The following FNIP1 variants were observed in gnomAD, a reference collection of about 807,000 sequenced individuals.
FNIP1 encodes folliculin interacting protein 1.
A neutral mutation model predicts 124.5 loss-of-function variants in FNIP1; 40 were observed. That is an observed-to-expected ratio of 0.32 (90% CI 0.25 to 0.42). The LOEUF (loss-of-function observed/expected upper bound fraction) is 0.42, where lower values mean the gene tolerates loss of function less well. FNIP1 is among the 10% of genes least tolerant of loss of function. FNIP1 has a pLI of 1.00. For synonymous variants in FNIP1, 472 were observed against 470.6 expected, an observed-to-expected ratio of 1.00 and a Z score of -0.04; for missense variants, 1,176 against 1,403.7, an observed-to-expected ratio of 0.84 and a Z score of 2.59.
chr5:131,671,767 G>C lies in FNIP1; in HGVS notation c.2677C>G (p.Gln893Glu). ...GGAAAGCAGGTTTTACATGAATCTT[G>C]GGGAACTGTTTCTATACATTTACAA... is the stretch of plus-strand genomic sequence containing the variant. ...EFCKCIETVP[Q>E]DSCKTCFPQQ... Residue 893 changes from glutamine to glutamate, a missense_variant, in exon 14 of 18, where the codon CAA (glutamine) becomes GAA (glutamate). This residue lies in a region of FNIP1 where 1,109 missense variants were observed against 1,288.5 expected (regional missense o/e 0.86). Coordinates refer to ENST00000510461, the MANE Select transcript of FNIP1 (RefSeq NM_133372.3). The C allele has an allele frequency of 1.2e-6, 2 of 1,614,066 alleles. No individual in the cohort carries two copies. Among genetic ancestry groups the C allele is most frequent in the Non-Finnish European group, 1.7e-6 (2 of 1,180,004 alleles).
chr5:131,684,919 T>A (rs1340229704), intron 11 of FNIP1, among the ~76,000 whole-genome samples: 4 of 152,188 alleles, frequency 2.6e-5, no homozygotes, highest in African/African-American at 9.7e-5. Context: ...TAATGCAATA[T>A]GTGATACTCA....
intron 8 of FNIP1, 138 bp downstream of exon 8, chr5:131,709,063 T>G: frequency 1.5e-6 from 1 of 672,030 alleles, no homozygotes; most frequent in East Asian, 2.6e-5. Flanking sequence ...TTTATAAGAC[T>G]TTGCTCTGGT....
chr5:131,658,235 T>C (rs1403607816), intron 15 of FNIP1, among the ~76,000 whole-genome samples: 1 of 152,144 alleles, frequency 6.6e-6, no homozygotes, highest in African/African-American at 2.4e-5. Flanking sequence ...GAAGGGTTCA[T>C]ATTATTCAAG....
intron 1 of FNIP1, among the ~76,000 whole-genome samples, chr5:131,789,224 AAGTAG>A (rs1252429661): frequency 1.3e-5 from 2 of 152,208 alleles, no homozygotes; most frequent in African/African-American, 4.8e-5. Context: ...GATCTCATAG[AAGTAG>A]AGTAGAATAG....
intron 1 of FNIP1, among the ~76,000 whole-genome samples, chr5:131,745,813 T>C (rs1298112163): frequency 6.6e-6 from 1 of 152,194 alleles, no homozygotes; most frequent in Non-Finnish European, 1.5e-5. Flanking sequence ...TCCACTTATA[T>C]AGAGGTTAAA....
Position 131,769,843 on chromosome 5 carries a change from A to C in FNIP1, c.93-25153T>G, listed in dbSNP as rs77807001. 4.6e-3 allele frequency among the ~76,000 whole-genome samples: 702 copies of C among 152,300 alleles called. 8 individuals carry two copies. Among genetic ancestry groups the C allele is most frequent in the African/African-American group, 0.016 (666 of 41,556 alleles). Reference sequence around the variant, plus strand: ...TTTCAATTCCTTTATCTCTTCTACTATAAGTACATGACTACGAGAAAATCA... The same window carrying C: ...TTTCAATTCCTTTATCTCTTCTACTCTAAGTACATGACTACGAGAAAATCA... On this transcript the variant is annotated intron_variant, in intron 1 of 17. Coordinates refer to ENST00000510461, the MANE Select transcript of FNIP1 (RefSeq NM_133372.3).
chr5:131,670,653 A>C (rs770826444), intron 14 of FNIP1, 22 bp from the exon 15 acceptor site: 2 of 1,565,252 alleles, frequency 1.3e-6, no homozygotes, highest in South Asian at 2.4e-5. Context: ...ATGCCCCCAA[A>C]AGACATTTAT....
At chr5:131,699,916 CA>C (rs3033727) in intron 10 of FNIP1, among the ~76,000 whole-genome samples, 45 of 93,704 alleles carry the variant, frequency 4.8e-4, no homozygotes, top group African/African-American at 8.3e-4. Flanking sequence ...AAGACTGTTT[CA>C]AAAAAAAAAA....
intron 2 of FNIP1, among the ~76,000 whole-genome samples, chr5:131,732,041 A>G (rs1371216996): frequency 1.3e-5 from 2 of 152,152 alleles, no homozygotes; most frequent in South Asian, 2.1e-4. Flanking sequence ...AGAAAAATGT[A>G]TTTCTTTTTA....
chr5:131,752,959 C>G (rs754538855), intron 1 of FNIP1, among the ~76,000 whole-genome samples: 1 of 152,122 alleles, frequency 6.6e-6, no homozygotes, highest in Non-Finnish European at 1.5e-5. Context: ...GTAATCCCAG[C>G]TACTTGGGAG....
chr5:131,648,173 TA>T (rs577945348), intron 16 of FNIP1, among the ~76,000 whole-genome samples: 71 of 113,328 alleles, frequency 6.3e-4, no homozygotes, highest in African/African-American at 1.1e-3. Flanking sequence ...CTACAAAAAT[TA>T]AAAAAAAAAA....
chr5:131,670,389 A>T lies in FNIP1; in HGVS notation c.3108+74T>A, dbSNP rs27450. 5 of 1,327,996 alleles carry T rather than the reference A, an allele frequency of 3.8e-6. No homozygotes were observed. The African/African-American group carries it at 6.0e-5, about 16-fold the overall frequency. 82.3% of individuals were successfully genotyped at this position (1,327,996 alleles called of 1,614,324 possible). On this transcript the variant is annotated intron_variant, in intron 15 of 17. Transcript: ENST00000510461. ...TGTTGTAAAAAGTATGACCAAAAAT[A>T]TAAGGCAATTTTGGGTTCTGCTGCT...
chr5:131,661,194 G>A (rs929238793), intron 15 of FNIP1, among the ~76,000 whole-genome samples: 5 of 148,878 alleles, frequency 3.4e-5, no homozygotes, highest in African/African-American at 1.2e-4. Context: ...TGCTTTGGGA[G>A]ACCTTCTGTC....
At chr5:131,661,990 T>C (rs1767455026) in intron 15 of FNIP1, among the ~76,000 whole-genome samples, 1 of 152,204 alleles carries the variant, frequency 6.6e-6, no homozygotes, top group Non-Finnish European at 1.5e-5. Flanking sequence ...CCCTCTAATC[T>C]TGTTTTACAT....
intron 1 of FNIP1, among the ~76,000 whole-genome samples, chr5:131,763,123 T>G (rs1771288852): frequency 6.6e-6 from 1 of 152,136 alleles, no homozygotes; most frequent in South Asian, 2.1e-4. Context: ...GTGACTACAG[T>G]CAACAAGAAT....
At chr5:131,739,367 TGA>T (rs1328691851) in intron 2 of FNIP1, among the ~76,000 whole-genome samples, 3 of 152,168 alleles carry the variant, frequency 2.0e-5, no homozygotes, top group Non-Finnish European at 2.9e-5. Flanking sequence ...AGTAACAGTA[TGA>T]GTCTAAATTA....
chr5:131,689,763 AATAAAT>A, intron 11 of FNIP1, among the ~76,000 whole-genome samples: 1 of 152,340 alleles, frequency 6.6e-6, no homozygotes, highest in East Asian at 1.9e-4. Context: ...CATAAAGTGA[AATAAAT>A]AGAAAACTAT....
At chr5:131,713,361 A>C (rs1355265020) in intron 6 of FNIP1, among the ~76,000 whole-genome samples, 3 of 152,036 alleles carry the variant, frequency 2.0e-5, no homozygotes, top group African/African-American at 7.2e-5. Context: ...CCCCTTCTTA[A>C]AGCCAGCATT....
intron 13 of FNIP1, 46 bp from the exon 14 acceptor site, chr5:131,672,970 A>C: frequency 7.8e-7 from 1 of 1,283,438 alleles, no homozygotes; most frequent in East Asian, 2.4e-5. Context: ...TTACTGACAC[A>C]GCTAAGTAAG....
Sources: gnomAD v4.1 joint callset for allele counts (sites outside exome capture counted in the v4.1 genomes callset) on GRCh38, gnomAD v4.1.1 for gene constraint, gnomAD v4.1.1 regional missense constraint, MANE v1.5 for transcripts, NCBI Gene and HGNC (gene_info 2026-07-23, HGNC 2026-07-21) for gene names.